Variants in SPDL1 observed in about 807,000 individuals in gnomAD.
SPDL1 encodes protein Spindly.
Under a neutral mutation model 79.5 loss-of-function variants are expected in SPDL1, and 85 were observed. The observed-to-expected ratio is 1.07, with a 90% confidence interval of 0.90 to 1.28. The LOEUF (loss-of-function observed/expected upper bound fraction) is 1.28. SPDL1 is among the 50% of genes most tolerant of loss of function. The pLI is 0.00. For missense variants in SPDL1, 703 were observed against 697.8 expected (o/e 1.01, Z -0.08); for synonymous variants, 269 against 240.3 (o/e 1.12, Z -1.10).
chr5:169,590,418 T>G (rs1046377545), intron 2 of SPDL1, among the ~76,000 whole-genome samples: 10 of 152,230 alleles, frequency 6.6e-5, no homozygotes, highest in African/African-American at 2.4e-4. Context: ...TCCTTTAAAA[T>G]AAAATGGTTT....
intron 3 of SPDL1, among the ~76,000 whole-genome samples, chr5:169,591,658 A>G (rs1755295075): frequency 6.6e-6 from 1 of 152,236 alleles, no homozygotes; most frequent in African/African-American, 2.4e-5. Flanking sequence ...AGGATAAACT[A>G]ATACATGTGC....
chr5:169,598,242 C>T lies in SPDL1; in HGVS notation c.1033-234C>T, dbSNP rs146492524. ...TAGGCCTTGTAGTCAGATTTGGGTTCAGGTTCTCTCTTCTTGGTTTACTTT... is the reference window on the plus strand; with the variant it reads ...TAGGCCTTGTAGTCAGATTTGGGTTTAGGTTCTCTCTTCTTGGTTTACTTT... On this transcript the variant is annotated intron_variant, in intron 8 of 11. Transcript: ENST00000265295. Among the ~76,000 whole-genome samples the T allele has an allele frequency of 1.7e-3, 257 of 152,252 alleles. 4 individuals are homozygous for T. The East Asian group carries it at 0.036, about 21-fold the overall frequency.
intron 1 of SPDL1, among the ~76,000 whole-genome samples, chr5:169,585,016 C>CAAAAAAAAAA (rs11415643): frequency 1.6e-4 from 22 of 138,270 alleles, no homozygotes; most frequent in African/African-American, 3.3e-4. Context: ...GACTCCGTCT[C>CAAAAAAAAAA]AAAAAAAAAA....
At chr5:169,603,393 C>T (rs907597700) in intron 11 of SPDL1, among the ~76,000 whole-genome samples, 1 of 152,008 alleles carries the variant, frequency 6.6e-6, no homozygotes, top group African/African-American at 2.4e-5. Flanking sequence ...ATTCATGCAG[C>T]CCAAGATTCC....
At chr5:169,603,982 C>T in intron 11 of SPDL1, 78 bp from the exon 12 acceptor site, 1 of 1,458,110 alleles carries the variant, frequency 6.9e-7, no homozygotes, top group East Asian at 2.4e-5. Context: ...TTATTGGAGG[C>T]CCATTATACT....
chr5:169,588,376 T>C lies in SPDL1; in HGVS notation c.-23-18T>C. On this transcript the variant is annotated intron_variant, in intron 1 of 11. Transcript: ENST00000265295. The stretch of plus-strand genomic sequence containing the variant: ...TTTTTTGTATAAGCTTAAGTAGTTT[T>C]ATTTCCTCTATTTACAGTTGGCTAA... 6.4e-7 allele frequency: 1 copy of C among 1,550,632 alleles called. No individual in the cohort carries two copies. The highest frequency in any genetic ancestry group is 8.7e-7 in the Non-Finnish European group (1 of 1,149,026).
chr5:169,591,924 C>T (rs540281137), intron 3 of SPDL1, among the ~76,000 whole-genome samples: 1 of 152,324 alleles, frequency 6.6e-6, no homozygotes, highest in East Asian at 1.9e-4. Flanking sequence ...TTTCCCTTTT[C>T]CCAGCTAGCC....
At chr5:169,585,495 A>G (rs894495911) in intron 1 of SPDL1, among the ~76,000 whole-genome samples, 1 of 152,170 alleles carries the variant, frequency 6.6e-6, no homozygotes, top group Non-Finnish European at 1.5e-5. Context: ...GGTTAACCCT[A>G]TTTTTATTTT....
At position 169,592,214 on chromosome 5, in the gene SPDL1, C is replaced by CTTTTT. The variant is rs397884840; in HGVS notation, c.336+1006_336+1010dup. ...ACATCAATGAAAGTATTTTTTTTTC[C>CTTTTT]TTTTTTTTTTTTTTTTTTTTGAGGC... On this transcript the variant is annotated intron_variant, in intron 3 of 11. Transcript: ENST00000265295. Among the ~76,000 whole-genome samples, 27 of 97,080 alleles carry CTTTTT rather than the reference C, an allele frequency of 2.8e-4. 2 individuals carry two copies. Among genetic ancestry groups the CTTTTT allele is most frequent in the South Asian group, 3.6e-4 (1 of 2,802 alleles). The allele number at this position is 97,080 out of a possible 152,430, so 63.7% of individuals were successfully genotyped here.
chr5:169,598,692 A>C, intron 9 of SPDL1, 113 bp downstream of exon 9: 2 of 1,042,502 alleles, frequency 1.9e-6, no homozygotes, highest in South Asian at 2.8e-5. Context: ...CCGAAAAGAA[A>C]GGTAACAAAA....
chr5:169,596,785 T>C (rs1055091297), intron 8 of SPDL1, 84 bp downstream of exon 8: 43 of 1,144,178 alleles, frequency 3.8e-5, no homozygotes, highest in Non-Finnish European at 4.8e-5. Context: ...GTTTAAATTA[T>C]TAATAAATAT....
At position 169,588,569 on chromosome 5, in the gene SPDL1, G is replaced by T; in HGVS notation, c.153G>T (p.Met51Ile). ...LDKCRNEMMT[M>I]TESYEQEKYT... ...AATGTCGTAATGAAATGATGACCAT[G>T]ACTGAGGTAGGACTCTGGACTCCTC... is the stretch of plus-strand genomic sequence containing the variant. Residue 51 changes from methionine to isoleucine, a missense_variant, in exon 2 of 12, where the codon ATG becomes ATT. By Grantham distance (10) the Met-to-Ile change is conservative. Transcript: ENST00000265295. 1 of 1,611,824 alleles carries T rather than the reference G, an allele frequency of 6.2e-7. No individual in the cohort carries two copies. Among genetic ancestry groups the T allele is most frequent in the South Asian group, 1.1e-5 (1 of 90,484 alleles).
chr5:169,597,074 A>T (rs1315799019), intron 8 of SPDL1, among the ~76,000 whole-genome samples: 2 of 152,136 alleles, frequency 1.3e-5, no homozygotes, highest in East Asian at 3.8e-4. Context: ...TGATACTCAA[A>T]TTGTCCCAGA....
intron 7 of SPDL1, 125 bp from the exon 8 acceptor site, chr5:169,596,436 G>A (rs1755582332): frequency 5.4e-6 from 4 of 737,690 alleles, no homozygotes; most frequent in South Asian, 2.1e-5. Context: ...ATTAGAAATA[G>A]CTAATTTAGT....
In SPDL1 at chr5:169,599,127, T is replaced by C. The variant is rs775084944; in HGVS notation, c.1292T>C (p.Leu431Pro). Residue 431 changes from leucine (L) to proline (P), a missense_variant, in exon 10 of 12, where the codon CTA (leucine) becomes CCA (proline). Leu to Pro is a moderately conservative substitution (Grantham distance 98, BLOSUM62 -3). Coordinates refer to ENST00000265295, the MANE Select transcript of SPDL1 (RefSeq NM_017785.5). ...GAAAATATGAAACTGAGAGCTAAAC[T>C]AGATGAATTGAAACTAAAATATGAA... is the stretch of plus-strand genomic sequence containing the variant. ...ESENMKLRAK[L>P]DELKLKYEPE... The C allele has an allele frequency of 1.3e-6, 2 of 1,570,454 alleles. No homozygotes were observed. Among genetic ancestry groups the C allele is most frequent in the Non-Finnish European group, 1.7e-6 (2 of 1,151,060 alleles).
intron 8 of SPDL1, 56 bp from the exon 9 acceptor site, chr5:169,598,420 T>A: frequency 8.9e-7 from 1 of 1,119,172 alleles, no homozygotes; most frequent in Admixed American, 1.8e-5. Flanking sequence ...TTAATAAACA[T>A]ACACTAACCT....
In SPDL1 at chr5:169,599,273, T is replaced by C. The variant is rs112356995; in HGVS notation, c.1324+114T>C. Reference sequence around the variant, plus strand: ...TCTATTACAAACTCATTTGTAGTTATATACCTATAGTTAATAAAGCAAATT... The same window carrying C: ...TCTATTACAAACTCATTTGTAGTTACATACCTATAGTTAATAAAGCAAATT... On this transcript the variant is annotated intron_variant, in intron 10 of 11. Coordinates refer to ENST00000265295, the MANE Select transcript of SPDL1 (RefSeq NM_017785.5). The C allele has an allele frequency of 1.9e-3, 1,716 of 918,184 alleles. 26 individuals carry two copies. In the African/African-American group the frequency reaches 0.026, roughly 14 times the overall value. The allele number at this position is 918,184 out of a possible 1,614,324, so 56.9% of individuals were successfully genotyped here.
rs187848268 is a variant in SPDL1, at chr5:169,604,324, C to T, written c.*117C>T. On this transcript the variant is annotated 3_prime_UTR_variant, in exon 12 of 12. Transcript: ENST00000265295. ...GGTTATTTACTCATTGTGCCAGGAC[C>T]TGGCATTTTCATGTGCCTTTGACCA... The T allele has an allele frequency of 3.8e-4, 413 of 1,087,570 alleles. 2 individuals are homozygous for T. In the African/African-American group the frequency reaches 5.8e-3, roughly 15 times the overall value. 67.4% of individuals were successfully genotyped at this position (1,087,570 alleles called of 1,614,324 possible). A position where few individuals can be genotyped will look rare whatever the true frequency, so the allele number is the denominator to read the frequency against.
At chr5:169,594,725 G>A in intron 7 of SPDL1, 44 bp downstream of exon 7, 1 of 1,361,100 alleles carries the variant, frequency 7.3e-7, no homozygotes, top group Non-Finnish European at 1.0e-6. Flanking sequence ...CAAATTTTGT[G>A]TCAGCATTAC....
Sources: allele counts gnomAD v4.1 joint callset (sites outside exome capture counted in the v4.1 genomes callset), GRCh38; gene constraint gnomAD v4.1.1; transcripts MANE v1.5; gene names NCBI Gene and HGNC (gene_info 2026-07-23, HGNC 2026-07-21).